The following XYLT1 variants were observed in gnomAD, a reference collection of about 807,000 sequenced individuals.
XYLT1 encodes xylosyltransferase 1, also known as beta-D-xylosyltransferase 1.
Under a neutral mutation model 91.3 loss-of-function variants are expected in XYLT1, and 36 were observed. The observed-to-expected ratio is 0.39, with a 90% CI of 0.30 to 0.52. XYLT1 has a LOEUF of 0.52. Among genes scored for constraint, XYLT1 ranks in the 20% least tolerant of loss-of-function variants. XYLT1 has a pLI of 0.68. For missense variants in XYLT1, 1,242 were observed against 1,284.5 expected (o/e 0.97, Z 0.51); for synonymous variants, 588 against 532.0 (o/e 1.11, Z -1.45).
rs957198417 is a variant in XYLT1, at chr16:17,102,248, T to C, written c.*6447A>G. The C allele has an allele frequency of 6.6e-6, 1 of 152,602 alleles. No homozygotes were observed. Among genetic ancestry groups the C allele is most frequent in the African/African-American group, 2.4e-5 (1 of 41,464 alleles). The allele number at this position is 152,602 out of a possible 1,614,324, so 9.5% of individuals were successfully genotyped here. On this transcript the variant is annotated 3_prime_UTR_variant, in exon 12 of 12. Coordinates refer to ENST00000261381, the MANE Select transcript of XYLT1 (RefSeq NM_022166.4). The stretch of plus-strand genomic sequence containing the variant: ...TTATATAGTCATCCTATCTTCACCA[T>C]GCAGATGACAGAAGAGAATATGAGA...
At chr16:17,126,052 TCTTCCTTGC>T (rs1388224297) in intron 10 of XYLT1, among the ~76,000 whole-genome samples, 3 of 152,210 alleles carry the variant, frequency 2.0e-5, no homozygotes, top group African/African-American at 7.2e-5. Flanking sequence ...GTCCTGTAGT[TCTTCCTTGC>T]CTTTCTGTTC....
At chr16:17,462,665 G>A (rs1361236276) in intron 1 of XYLT1, among the ~76,000 whole-genome samples, 1 of 152,176 alleles carries the variant, frequency 6.6e-6, no homozygotes, top group Non-Finnish European at 1.5e-5. Context: ...CTGAAGGAAT[G>A]GAGCAGCAGG....
intron 2 of XYLT1, among the ~76,000 whole-genome samples, chr16:17,259,992 C>A (rs886588261): frequency 1.3e-5 from 2 of 151,282 alleles, no homozygotes; most frequent in African/African-American, 4.9e-5. Flanking sequence ...AGAAATCAGA[C>A]TGAGCCGTTG....
chr16:17,286,350 G>A (rs1424538954), intron 2 of XYLT1, among the ~76,000 whole-genome samples: 1 of 152,132 alleles, frequency 6.6e-6, no homozygotes, highest in Non-Finnish European at 1.5e-5. Context: ...GATGGCAGAT[G>A]GAAATTAGAG....
chr16:17,117,309 T>C (rs1424715892), intron 11 of XYLT1, among the ~76,000 whole-genome samples: 1 of 152,256 alleles, frequency 6.6e-6, no homozygotes, highest in Non-Finnish European at 1.5e-5. Flanking sequence ...TTTTGATTTT[T>C]TTAAAATAGT....
Position 17,286,042 on chromosome 16 carries a change from G to A in XYLT1, c.403-26544C>T, listed in dbSNP as rs143110462. On this transcript the variant is annotated intron_variant, in intron 2 of 11. Transcript: ENST00000261381. ...TAACACAATGGGGGTCTGGGCCCAC[G>A]TGCCTCTCTGCTAATCACTAACTTT... Among the ~76,000 whole-genome samples, 56 of 152,210 alleles carry A rather than the reference G, an allele frequency of 3.7e-4. No individual in the cohort carries two copies. The East Asian group carries it at 9.1e-3, about 25-fold the overall frequency.
intron 10 of XYLT1, among the ~76,000 whole-genome samples, chr16:17,125,140 T>A (rs79576364): frequency 0.053 from 8,011 of 152,268 alleles, 695 homozygotes; most frequent in African/African-American, 0.18. Flanking sequence ...AGTGTGATCT[T>A]TTGGGGATGT....
chr16:17,237,952 T>C (rs2033274666), intron 3 of XYLT1, among the ~76,000 whole-genome samples: 1 of 152,246 alleles, frequency 6.6e-6, no homozygotes, highest in African/African-American at 2.4e-5. Context: ...CATTAGCAGT[T>C]CAGCAAACAT....
chr16:17,170,485 T>C (rs536468777), intron 5 of XYLT1, among the ~76,000 whole-genome samples: 8 of 152,300 alleles, frequency 5.3e-5, no homozygotes, highest in East Asian at 1.9e-4. Flanking sequence ...TCAGCACAAC[T>C]GTGTTGCAGG....
intron 1 of XYLT1, among the ~76,000 whole-genome samples, chr16:17,360,740 C>T (rs927561984): frequency 3.3e-5 from 5 of 152,196 alleles, no homozygotes; most frequent in African/African-American, 9.6e-5. Context: ...GAAGTGGAAC[C>T]AGGTCAATGA....
intron 2 of XYLT1, among the ~76,000 whole-genome samples, chr16:17,352,784 A>T (rs1211503946): frequency 6.6e-6 from 1 of 152,158 alleles, no homozygotes; most frequent in Non-Finnish European, 1.5e-5. Flanking sequence ...GCATTTATTA[A>T]TATCTATTTG....
At chr16:17,365,700 T>C (rs2141869581) in intron 1 of XYLT1, among the ~76,000 whole-genome samples, 1 of 152,298 alleles carries the variant, frequency 6.6e-6, no homozygotes, top group Middle Eastern at 3.4e-3. Flanking sequence ...GACCCAGAAA[T>C]GAGCAGTAGA....
At position 17,108,660 on chromosome 16, in the gene XYLT1, G is replaced by T; in HGVS notation, c.*35C>A. ...CAACCCCTCTGGCTGCTTTCCCGTTGAGATCCTGCTGTGGCCCACTCCTCG... is the reference window on the plus strand; with the variant it reads ...CAACCCCTCTGGCTGCTTTCCCGTTTAGATCCTGCTGTGGCCCACTCCTCG... On this transcript the variant is annotated 3_prime_UTR_variant, in exon 12 of 12. Coordinates refer to ENST00000261381, the MANE Select transcript of XYLT1 (RefSeq NM_022166.4). The T allele has an allele frequency of 1.3e-6, 2 of 1,519,518 alleles. No homozygotes were observed. The highest frequency in any genetic ancestry group is 1.3e-5 in the South Asian group (1 of 77,068). The allele number at this position is 1,519,518 out of a possible 1,614,324, so 94.1% of individuals were successfully genotyped here. A position where few individuals can be genotyped will look rare whatever the true frequency, so the allele number is the denominator to read the frequency against.
intron 1 of XYLT1, among the ~76,000 whole-genome samples, chr16:17,402,288 C>G (rs2035979856): frequency 6.6e-6 from 1 of 151,850 alleles, no homozygotes; most frequent in Non-Finnish European, 1.5e-5. Context: ...CCACTGTACT[C>G]CAGCCTGGGC....
intron 10 of XYLT1, among the ~76,000 whole-genome samples, chr16:17,119,197 C>T (rs1015110198): frequency 2.9e-5 from 4 of 137,442 alleles, no homozygotes; most frequent in Non-Finnish European, 4.7e-5. Flanking sequence ...AGCAGGTGCT[C>T]GAGTAATGTT....
intron 5 of XYLT1, 73 bp downstream of exon 5, chr16:17,198,139 C>G: frequency 6.6e-7 from 1 of 1,522,062 alleles, no homozygotes; most frequent in Non-Finnish European, 9.1e-7. Context: ...CCTTCTGCCT[C>G]GTGAGTTCCC....
At chr16:17,330,136 C>CAG (rs1555497978) in intron 2 of XYLT1, among the ~76,000 whole-genome samples, 9 of 151,626 alleles carry the variant, frequency 5.9e-5, no homozygotes, top group Non-Finnish European at 8.8e-5. Context: ...CACACACACA[C>CAG]AGCTGTCAGC....
chr16:17,149,358 C>T (rs1436545568), intron 6 of XYLT1, among the ~76,000 whole-genome samples: 1 of 151,880 alleles, frequency 6.6e-6, no homozygotes, highest in Non-Finnish European at 1.5e-5. Flanking sequence ...TCTTCACAAG[C>T]AGCTAATATA....
chr16:17,189,608 G>A (rs960936639), intron 5 of XYLT1, among the ~76,000 whole-genome samples: 2 of 152,220 alleles, frequency 1.3e-5, no homozygotes, highest in Admixed American at 1.3e-4. Flanking sequence ...TGTGGTACAA[G>A]TATATCAACA....
Sources: allele counts gnomAD v4.1 joint callset (sites outside exome capture counted in the v4.1 genomes callset), GRCh38; gene constraint gnomAD v4.1.1; transcripts MANE v1.5; gene names NCBI Gene and HGNC (gene_info 2026-07-23, HGNC 2026-07-21).